Variants in THADA observed in about 807,000 individuals in gnomAD.
The protein encoded by THADA is tRNA (32-2'-O)-methyltransferase regulator THADA.
Under a neutral mutation model 219.8 loss-of-function variants are expected in THADA, and 213 were observed. The observed-to-expected ratio is 0.97, with a 90% CI of 0.87 to 1.09. The LOEUF is 1.09. Ranked by LOEUF, THADA falls within the 50% of genes least tolerant of loss-of-function variation. The pLI is 0.00. For synonymous variants in THADA, 1,018 were observed against 828.9 expected (o/e 1.23, Z -3.92); for missense variants, 2,956 against 2,311.3 (o/e 1.28, Z -5.72).
At chr2:43,346,550 A>G (rs1469461630) in intron 29 of THADA, among the ~76,000 whole-genome samples, 1 of 152,244 alleles carries the variant, frequency 6.6e-6, no homozygotes, top group Non-Finnish European at 1.5e-5. Flanking sequence ...CCAGGCCTGT[A>G]CTGAACCAAG....
chr2:43,231,236 G>A lies in THADA; in HGVS notation c.5574C>T (p.Ser1858=), dbSNP rs764377129. The A allele has an allele frequency of 1.4e-5, 22 of 1,613,528 alleles. No individual in the cohort carries two copies. The highest frequency in any genetic ancestry group is 5.0e-5 in the Admixed American group (3 of 59,944). The change falls in exon 38 of 38, where the codon TCC becomes TCT. Residue 1858 remains serine, a synonymous_variant. Transcript: ENST00000405975. ...CKHLFCLLSK[S]GWRPPSPEML... ...TCTCAGGGCTTGGGGGACGCCAGCC[G>A]GACTTTGAGAGGAGACAGAAGAGGT...
At chr2:43,531,277 G>A (rs1009288829) in intron 21 of THADA, among the ~76,000 whole-genome samples, 1 of 152,224 alleles carries the variant, frequency 6.6e-6, no homozygotes, top group Admixed American at 6.5e-5. Flanking sequence ...GGACCAAAAT[G>A]AAAGAGGGTA....
intron 29 of THADA, among the ~76,000 whole-genome samples, chr2:43,353,254 AC>A (rs1185006786): frequency 6.6e-6 from 1 of 152,122 alleles, no homozygotes; most frequent in African/African-American, 2.4e-5. Flanking sequence ...GAATCTTCAC[AC>A]TGTTTTCCAT....
At chr2:43,528,383 G>C (rs1294645487) in intron 21 of THADA, among the ~76,000 whole-genome samples, 4 of 152,066 alleles carry the variant, frequency 2.6e-5, no homozygotes, top group African/African-American at 9.7e-5. Flanking sequence ...GCCCACCTTG[G>C]TCTCCCAAAG....
intron 25 of THADA, among the ~76,000 whole-genome samples, chr2:43,497,709 AC>A (rs1454548137): frequency 6.6e-6 from 1 of 152,128 alleles, no homozygotes; most frequent in Non-Finnish European, 1.5e-5. Context: ...ACATAGTGAA[AC>A]CCTCTCTCTA....
At chr2:43,571,925 G>A in intron 12 of THADA, 63 bp from the exon 13 acceptor site, 5 of 1,529,544 alleles carry the variant, frequency 3.3e-6, no homozygotes, top group Middle Eastern at 4.0e-4. Flanking sequence ...TAAATCACTT[G>A]AATTGCTTAC....
At chr2:43,568,682 T>C (rs1184685966) in intron 14 of THADA, among the ~76,000 whole-genome samples, 3 of 152,186 alleles carry the variant, frequency 2.0e-5, no homozygotes, top group Non-Finnish European at 2.9e-5. Flanking sequence ...ATATGCATTG[T>C]TAAATCTACC....
chr2:43,461,214 ACCT>A (rs1433654064), intron 26 of THADA, among the ~76,000 whole-genome samples: 1 of 152,172 alleles, frequency 6.6e-6, no homozygotes, highest in African/African-American at 2.4e-5. Context: ...GAAAAGTTTC[ACCT>A]AAGTCTACAC....
intron 29 of THADA, among the ~76,000 whole-genome samples, chr2:43,395,697 T>A (rs146666829): frequency 6.6e-6 from 1 of 152,246 alleles, no homozygotes; most frequent in South Asian, 2.1e-4. Flanking sequence ...ATCATTATAT[T>A]GATAACTAAT....
chr2:43,367,847 G>A (rs770644253), intron 29 of THADA, among the ~76,000 whole-genome samples: 51 of 152,270 alleles, frequency 3.3e-4, no homozygotes, highest in Middle Eastern at 3.4e-3. Flanking sequence ...GGCCAGGAGC[G>A]GTGGCTCACG....
At chr2:43,334,201 A>G (rs998389593) in intron 30 of THADA, among the ~76,000 whole-genome samples, 2 of 152,082 alleles carry the variant, frequency 1.3e-5, no homozygotes, top group African/African-American at 4.8e-5. Flanking sequence ...AGGAGAATAG[A>G]TGGGAGTATG....
intron 31 of THADA, among the ~76,000 whole-genome samples, chr2:43,312,433 G>C (rs964575044): frequency 3.3e-5 from 5 of 152,066 alleles, no homozygotes; most frequent in Non-Finnish European, 7.4e-5. Context: ...GTGTAACCTT[G>C]GGTAAGTCAC....
At chr2:43,256,692 C>T (rs1175195790) in intron 36 of THADA, among the ~76,000 whole-genome samples, 4 of 151,904 alleles carry the variant, frequency 2.6e-5, no homozygotes, top group Admixed American at 2.6e-4. Flanking sequence ...GATCCTCCTC[C>T]CTCAGACTCT....
rs982384845 is a variant in THADA at position 43,432,096 on chromosome 2, T to C, written c.3837-1794A>G. On this transcript the variant is annotated intron_variant, in intron 26 of 37. Transcript: ENST00000405975. ...TGGTCTCGATCTCCTGACCTCGTGATCCGCCCGCCTCGGCCTCCCAAAGTG... is the reference window on the plus strand; with the variant it reads ...TGGTCTCGATCTCCTGACCTCGTGACCCGCCCGCCTCGGCCTCCCAAAGTG... 2.2e-5 allele frequency among the ~76,000 whole-genome samples: 3 copies of C among 137,900 alleles called. 1 individual carries two copies. Among genetic ancestry groups the C allele is most frequent in the African/African-American group, 9.4e-5 (3 of 31,890 alleles). 90.5% of individuals were successfully genotyped at this position (137,900 alleles called of 152,430 possible).
chr2:43,274,247 A>T lies in THADA; in HGVS notation c.5296+5518T>A, dbSNP rs111374503. Among the ~76,000 whole-genome samples the T allele has an allele frequency of 8.3e-4, 127 of 152,308 alleles. No homozygotes were observed. In the Middle Eastern group the frequency reaches 0.01, roughly 12 times the overall value. On this transcript the variant is annotated intron_variant, in intron 36 of 37. Coordinates refer to ENST00000405975, the MANE Select transcript of THADA (RefSeq NM_022065.5). ...ACCCAACACTACAGGCTGCAAACTC[A>T]GCCTACCAGACCCGGACAGTGTGCG...
intron 26 of THADA, among the ~76,000 whole-genome samples, chr2:43,435,305 C>G (rs1179625761): frequency 2.0e-5 from 3 of 151,894 alleles, no homozygotes; most frequent in Non-Finnish European, 4.4e-5. Context: ...AAGAAGAATA[C>G]AAAATTAGCC....
intron 28 of THADA, among the ~76,000 whole-genome samples, chr2:43,416,121 A>G (rs905496201): frequency 2.6e-5 from 4 of 152,230 alleles, no homozygotes; most frequent in African/African-American, 9.6e-5. Context: ...TATCCAAACC[A>G]GAAAGAAGCT....
intron 25 of THADA, among the ~76,000 whole-genome samples, chr2:43,497,145 T>C (rs1323498425): frequency 1.3e-5 from 2 of 152,200 alleles, no homozygotes; most frequent in Admixed American, 6.5e-5. Flanking sequence ...CTCAAGGATC[T>C]AGAACCAGAA....
intron 28 of THADA, among the ~76,000 whole-genome samples, chr2:43,404,643 G>A (rs1327729666): frequency 1.3e-5 from 2 of 152,088 alleles, no homozygotes; most frequent in African/African-American, 4.8e-5. Flanking sequence ...GTAGCTCTCA[G>A]GCATCATCAT....
Sources: allele counts gnomAD v4.1 joint callset (sites outside exome capture counted in the v4.1 genomes callset), GRCh38; gene constraint gnomAD v4.1.1; transcripts MANE v1.5; gene names NCBI Gene and HGNC (gene_info 2026-07-23, HGNC 2026-07-21).